POLR3A: variants seen among roughly 807,000 people sequenced by gnomAD.
POLR3A encodes DNA-directed RNA polymerase III subunit RPC1.
A neutral mutation model predicts 152.8 loss-of-function variants in POLR3A; 112 were observed. That is an observed-to-expected ratio of 0.73 (90% CI 0.63 to 0.86). POLR3A has a LOEUF of 0.86. POLR3A is among the 40% of genes least tolerant of loss of function. The pLI is 0.00. For missense variants in POLR3A, 1,385 were observed against 1,743.1 expected (o/e 0.79, Z 3.66); for synonymous variants, 615 against 652.1 (o/e 0.94, Z 0.87).
intron 10 of POLR3A, 94 bp downstream of exon 10, chr10:78,017,481 C>A: frequency 3.2e-6 from 4 of 1,246,060 alleles, no homozygotes; most frequent in Non-Finnish European, 2.3e-6. Flanking sequence ...CTTGAGATAA[C>A]AGGCAATTTT....
chr10:77,994,599 G>C (rs1213974944), intron 19 of POLR3A, among the ~76,000 whole-genome samples: 1 of 151,760 alleles, frequency 6.6e-6, no homozygotes, highest in African/African-American at 2.4e-5. Flanking sequence ...AGCCAGAAGA[G>C]AAGTTTAGAG....
intron 1 of POLR3A, among the ~76,000 whole-genome samples, chr10:78,027,989 T>C (rs990786246): frequency 6.6e-6 from 1 of 152,200 alleles, no homozygotes; most frequent in African/African-American, 2.4e-5. Flanking sequence ...AGTGTCGATG[T>C]AGAGCTACCA....
Position 78,001,557 on chromosome 10 carries a change from T to TA in POLR3A, c.2360-464dup, listed in dbSNP as rs533219346. 1.3e-4 allele frequency among the ~76,000 whole-genome samples: 19 copies of TA among 151,502 alleles called. No homozygotes were observed. In the South Asian group the frequency reaches 1.5e-3, roughly 12 times the overall value. On this transcript the variant is annotated intron_variant, in intron 17 of 30. Transcript: ENST00000372371. ...TAAAGAGACTGGACTTTATCCTGTT[T>TA]AAAAAAAAAGTGTACAGAAATAGAA...
At position 77,996,080 on chromosome 10, in the gene POLR3A, G is replaced by T. The variant is rs550201652; in HGVS notation, c.2617-2713C>A. On this transcript the variant is annotated intron_variant, in intron 19 of 30. Coordinates refer to ENST00000372371, the MANE Select transcript of POLR3A (RefSeq NM_007055.4). ...ATGACTACTGGGTAAATAATGAAATGAAGGCAGAAATAAAGATGTTCTTTG... is the reference window on the plus strand; with the variant it reads ...ATGACTACTGGGTAAATAATGAAATTAAGGCAGAAATAAAGATGTTCTTTG... 7.2e-4 allele frequency among the ~76,000 whole-genome samples: 110 copies of T among 152,204 alleles called. No homozygotes were observed. The East Asian group carries it at 0.02, about 28-fold the overall frequency.
At chr10:78,020,646 C>T (rs749561539) in intron 8 of POLR3A, among the ~76,000 whole-genome samples, 4 of 146,784 alleles carry the variant, frequency 2.7e-5, no homozygotes, top group South Asian at 2.2e-4. Flanking sequence ...AAATTAGCTG[C>T]GCATGGTGAT....
At chr10:78,026,003 G>A in intron 2 of POLR3A, 91 bp downstream of exon 2, 1 of 1,514,182 alleles carries the variant, frequency 6.6e-7, no homozygotes, top group Non-Finnish European at 9.1e-7. Flanking sequence ...TGAGGAGATG[G>A]AAGGAAGCCC....
At position 78,007,762 on chromosome 10, in the gene POLR3A, C is replaced by A; in HGVS notation, c.2014G>T (p.Gly672Ter). The A allele has an allele frequency of 1.9e-6, 3 of 1,614,076 alleles. No homozygotes were observed. The East Asian group carries it at 6.7e-5, about 36-fold the overall frequency. The change falls in exon 15 of 31, where the codon GGA becomes TGA. Residue 672 changes from glycine to a stop codon, truncating the protein, a stop_gained. Coordinates refer to ENST00000372371, the MANE Select transcript of POLR3A (RefSeq NM_007055.4). LOFTEE classifies it high-confidence loss of function. The stretch of plus-strand genomic sequence containing the variant: ...ATGGCATCTGCAGCTTCATTCTGTC[C>A]CCAGTCTCGCAGCAAAATGTAAAAA... ...NIFYILLRDW[G>*]QNEAADAMSR...
In POLR3A at chr10:78,009,896, T is replaced by C; in HGVS notation, c.1738A>G (p.Lys580Glu). 6.2e-7 allele frequency: 1 copy of C among 1,614,158 alleles called. No homozygotes were observed. Among genetic ancestry groups the C allele is most frequent in the Non-Finnish European group, 8.5e-7 (1 of 1,180,034 alleles). ...ATTGTAGGCGGTGGGAGGCGAACTTTAATTTTCTCATCCTTGCCAACCAGT... is the reference window on the plus strand; with the variant it reads ...ATTGTAGGCGGTGGGAGGCGAACTTCAATTTTCTCATCCTTGCCAACCAGT... The part of the protein sequence containing the change: ...SILVGKDEKI[K>E]VRLPPPTILK... The change falls in exon 13 of 31, where the codon AAA (lysine) becomes GAA (glutamate). Residue 580 changes from lysine (K) to glutamate (E), a missense_variant. By Grantham distance (56) the Lys-to-Glu change is moderately conservative (BLOSUM62 1). Transcript: ENST00000372371.
intron 5 of POLR3A, among the ~76,000 whole-genome samples, chr10:78,023,019 A>G (rs996790775): frequency 6.6e-6 from 1 of 152,006 alleles, no homozygotes; most frequent in African/African-American, 2.4e-5. Context: ...TTAGCTGGGC[A>G]TGGTGGCACA....
chr10:77,993,209 C>CAGA lies in POLR3A; in HGVS notation c.2772_2774dup (p.Leu925dup), dbSNP rs1265328059. On this transcript the variant is annotated inframe_insertion, in exon 20 of 31. Coordinates refer to ENST00000372371, the MANE Select transcript of POLR3A (RefSeq NM_007055.4). ...TGCTAAATCTTACTTTGATGTTGTC[C>CAGA]AGAACCCTTTTAAACTCCAAAGGTT... 3.1e-6 allele frequency: 5 copies of CAGA among 1,613,282 alleles called. No homozygotes were observed. The highest frequency in any genetic ancestry group is 3.3e-5 in the Admixed American group (2 of 60,006).
intron 1 of POLR3A, among the ~76,000 whole-genome samples, chr10:78,027,837 G>A (rs11002378): frequency 0.058 from 8,857 of 152,202 alleles, 877 homozygotes; most frequent in African/African-American, 0.2. Flanking sequence ...GATTACAGAC[G>A]TGAGCCACCA....
intron 15 of POLR3A, 29 bp downstream of exon 15, chr10:78,007,673 A>C (rs759539625): frequency 6.2e-6 from 10 of 1,603,472 alleles, no homozygotes; most frequent in Non-Finnish European, 6.8e-6. Context: ...TTGCAGCTTT[A>C]ACTAAAAGAA....
At chr10:78,011,379 A>T (rs1182359087) in intron 11 of POLR3A, among the ~76,000 whole-genome samples, 1 of 152,204 alleles carries the variant, frequency 6.6e-6, no homozygotes, top group African/African-American at 2.4e-5. Context: ...TAGGTAGTAA[A>T]ACATAATTAA....
chr10:78,002,360 A>T, intron 16 of POLR3A, 52 bp from the exon 17 acceptor site: 1 of 1,117,804 alleles, frequency 8.9e-7, no homozygotes, highest in East Asian at 2.5e-5. Context: ...GTCTCTGTGG[A>T]TTACAAATGT....
At position 78,029,368 on chromosome 10, in the gene POLR3A, T is replaced by C. The variant is rs1847668829; in HGVS notation, c.40A>G (p.Lys14Glu). 1.2e-5 allele frequency: 19 copies of C among 1,614,058 alleles called. No individual in the cohort carries two copies. The highest frequency in any genetic ancestry group is 1.5e-5 in the Non-Finnish European group (18 of 1,180,052). ...EQFRETDVAKKISHICFGMKS... is the reference protein window; with the variant it reads ...EQFRETDVAKEISHICFGMKS... ...GCCACTCTTACTCCGTCTTACATTT[T>C]CTTGGCCACATCCGTCTCCCGGAAC... is the stretch of plus-strand genomic sequence containing the variant. The change falls in exon 1 of 31, where the codon AAA becomes GAA. Residue 14 changes from lysine to glutamate, a missense_variant. By Grantham distance (56) the Lys-to-Glu change is moderately conservative. Transcript: ENST00000372371.
At chr10:78,024,503 G>A in intron 5 of POLR3A, 46 bp downstream of exon 5, 12 of 1,602,778 alleles carry the variant, frequency 7.5e-6, no homozygotes, top group Non-Finnish European at 1.0e-5. Flanking sequence ...TGCGGAAGAG[G>A]CAGGCGGGAG....
intron 9 of POLR3A, among the ~76,000 whole-genome samples, chr10:78,018,792 G>T (rs1847550070): frequency 6.6e-6 from 1 of 151,968 alleles, no homozygotes; most frequent in African/African-American, 2.4e-5. Flanking sequence ...TGCCATATTG[G>T]CCAGGCTGGT....
intron 14 of POLR3A, among the ~76,000 whole-genome samples, chr10:78,009,181 A>G (rs973065829): frequency 6.7e-6 from 1 of 150,238 alleles, no homozygotes; most frequent in Non-Finnish European, 1.5e-5. Flanking sequence ...AAAAAAAATT[A>G]AATGCCTTAA....
intron 30 of POLR3A, 45 bp from the exon 31 acceptor site, chr10:77,977,671 G>C (rs1847102712): frequency 6.4e-7 from 1 of 1,552,462 alleles, no homozygotes; most frequent in Admixed American, 1.7e-5. Context: ...TAAACACAAG[G>C]TACATTTTCA....
Sources: allele counts gnomAD v4.1 joint callset (sites outside exome capture counted in the v4.1 genomes callset), GRCh38; gene constraint gnomAD v4.1.1; transcripts MANE v1.5; gene names NCBI Gene and HGNC (gene_info 2026-07-23, HGNC 2026-07-21).